Variants in ESRRB observed in about 807,000 individuals in gnomAD.
The protein encoded by ESRRB is estrogen related receptor beta.
A neutral mutation model predicts 46.0 loss-of-function variants in ESRRB; 16 were observed. The ratio of observed to expected loss-of-function variants is 0.35; its 90% confidence interval spans 0.24 to 0.53. ESRRB has a LOEUF of 0.53. Ranked by LOEUF, ESRRB falls within the 20% of genes least tolerant of loss-of-function variation. ESRRB has a pLI of 0.93. For missense variants in ESRRB, 488 were observed against 607.4 expected (o/e 0.80, Z 2.07); for synonymous variants, 246 against 259.6 (o/e 0.95, Z 0.50).
At chr14:76,480,358 TGAAA>T (rs1324685762) in intron 3 of ESRRB, among the ~76,000 whole-genome samples, 10 of 152,112 alleles carry the variant, frequency 6.6e-5, no homozygotes, top group Non-Finnish European at 1.3e-4. Context: ...AGTCCTGAAC[TGAAA>T]ACACCTGGGG....
intron 1 of ESRRB, among the ~76,000 whole-genome samples, chr14:76,366,155 G>A (rs543721030): frequency 6.6e-6 from 1 of 152,162 alleles, no homozygotes; most frequent in East Asian, 1.9e-4. Flanking sequence ...TGATTGGTTT[G>A]GGGGTGAACA....
At chr14:76,369,433 G>C (rs1198837661), upstream of ESRRB, among the ~76,000 whole-genome samples, 1 of 151,630 alleles carries the variant, frequency 6.6e-6, no homozygotes, top group Non-Finnish European at 1.5e-5. Context: ...ACCACAGTGT[G>C]TGGCCAATTT....
At chr14:76,407,410 A>G (rs527503378) in intron 1 of ESRRB, 37 of 327,878 alleles carry the variant, frequency 1.1e-4, no homozygotes, top group African/African-American at 6.0e-4. Context: ...GCCCCTCTCC[A>G]TGTTTGAGGG....
In ESRRB at chr14:76,498,760, G is replaced by A. The variant is rs769334835; in HGVS notation, c.*302G>A. Reference sequence around the variant, plus strand: ...AGGGCTGACTCCCTTCAGGAGTGGAGGCCACTGGAGCAAGTGCCCTCTCCC... The same window carrying A: ...AGGGCTGACTCCCTTCAGGAGTGGAAGCCACTGGAGCAAGTGCCCTCTCCC... On this transcript the variant is annotated 3_prime_UTR_variant, in exon 7 of 7. Transcript: ENST00000644823. 1 of 789,700 alleles carries A rather than the reference G, an allele frequency of 1.3e-6. No homozygotes were observed. The highest frequency in any genetic ancestry group is 1.7e-5 in the African/African-American group (1 of 58,280). The allele number at this position is 789,700 out of a possible 1,614,324, so 48.9% of individuals were successfully genotyped here.
chr14:76,451,314 A>C (rs1888371626), intron 2 of ESRRB, among the ~76,000 whole-genome samples: 1 of 152,252 alleles, frequency 6.6e-6, no homozygotes, highest in Non-Finnish European at 1.5e-5. Context: ...ACCTTGGGCA[A>C]GTGACTTAGT....
At chr14:76,351,986 TAAAAAAAAAAAA>T (rs201356393) in intron 1 of ESRRB, among the ~76,000 whole-genome samples, 3 of 91,792 alleles carry the variant, frequency 3.3e-5, no homozygotes, top group Non-Finnish European at 6.2e-5. Flanking sequence ...CCCAGTCTCT[TAAAAAAAAAAAA>T]AAAAAAAAAA....
At chr14:76,437,887 C>CG (rs1318136362) in intron 1 of ESRRB, among the ~76,000 whole-genome samples, 3 of 152,166 alleles carry the variant, frequency 2.0e-5, no homozygotes, top group Non-Finnish European at 4.4e-5. Flanking sequence ...CCAGCATGGC[C>CG]GGGGTGGAGG....
chr14:76,318,349 C>T (rs117209333), intron 1 of ESRRB, among the ~76,000 whole-genome samples: 497 of 152,274 alleles, frequency 3.3e-3, no homozygotes, highest in Admixed American at 7.8e-3. Context: ...CTTCACCTGC[C>T]GAGTGGGGCT....
Position 76,469,104 on chromosome 14 carries a change from T to A in ESRRB, c.577+6443T>A, listed in dbSNP as rs541506875. 1.8e-4 allele frequency among the ~76,000 whole-genome samples: 27 copies of A among 152,170 alleles called. No individual in the cohort carries two copies. The Middle Eastern group carries it at 0.01, about 58-fold the overall frequency. On this transcript the variant is annotated intron_variant, in intron 3 of 6. Coordinates refer to ENST00000644823, the MANE Select transcript of ESRRB (RefSeq NM_001379180.1). ...AAGGACTTCATTCCTTTATTTATTT[T>A]TTTTTCTGAGATGGAGTCTCGCTCT...
At chr14:76,354,409 GCTCACATAGCAGCAGCCTTTTTCCAGGGA>G (rs1884353918) in intron 1 of ESRRB, among the ~76,000 whole-genome samples, 1 of 152,028 alleles carries the variant, frequency 6.6e-6, no homozygotes. Flanking sequence ...ATGAAGCCAG[GCTCACATAGCAGCAGCCTTTTTCCAGGGA>G]CCTATCTCAC....
rs78207727 is a variant in ESRRB, at chr14:76,429,135, T to A, written c.51-10206T>A. ...ATGGACATAGAGGGTATTGGGGGGC[T>A]GCTTTCTAAGTCAACTCATCCTCCA... On this transcript the variant is annotated intron_variant, in intron 1 of 6. Coordinates refer to ENST00000644823, the MANE Select transcript of ESRRB (RefSeq NM_001379180.1). 3.7e-3 allele frequency among the ~76,000 whole-genome samples: 559 copies of A among 152,196 alleles called. 3 individuals carry two copies. Among genetic ancestry groups the A allele is most frequent in the African/African-American group, 0.013 (537 of 41,520 alleles).
At chr14:76,485,886 G>A (rs186809970) in intron 5 of ESRRB, among the ~76,000 whole-genome samples, 1 of 152,290 alleles carries the variant, frequency 6.6e-6, no homozygotes, top group East Asian at 1.9e-4. Context: ...AGCTTTGCAT[G>A]CACATATTGA....
chr14:76,363,456 A>G (rs776797381), intron 1 of ESRRB, among the ~76,000 whole-genome samples: 1 of 152,160 alleles, frequency 6.6e-6, no homozygotes, highest in Admixed American at 6.5e-5. Context: ...GCTGCCCTTC[A>G]TCTTCTCCAT....
chr14:76,338,077 T>A (rs1884149032), intron 1 of ESRRB, among the ~76,000 whole-genome samples: 1 of 152,148 alleles, frequency 6.6e-6, no homozygotes, highest in African/African-American at 2.4e-5. Context: ...TTGGCATATT[T>A]TTACCTCTCA....
Position 76,399,631 on chromosome 14 carries a change from A to G in ESRRB, c.50+23180A>G, listed in dbSNP as rs977463769. ...CTGGGTGACAGAGCTGAGCAAAGAG[A>G]TTTTTGATTACAAAGAAAGTGAGGA... On this transcript the variant is annotated intron_variant, in intron 1 of 6. Transcript: ENST00000644823. 2.6e-5 allele frequency among the ~76,000 whole-genome samples: 4 copies of G among 152,126 alleles called. No homozygotes were observed. In the East Asian group the frequency reaches 7.7e-4, roughly 29 times the overall value.
chr14:76,462,729 G>A, intron 3 of ESRRB, 68 bp downstream of exon 3: 1 of 1,170,666 alleles, frequency 8.5e-7, no homozygotes, highest in Non-Finnish European at 1.3e-6. Flanking sequence ...TGTCCCCTGT[G>A]AGACACCCAC....
intron 1 of ESRRB, among the ~76,000 whole-genome samples, chr14:76,425,690 C>T (rs11624925): frequency 0.2 from 30,387 of 152,116 alleles, 4,222 homozygotes; most frequent in African/African-American, 0.4. Context: ...TGACCCACCA[C>T]GCTGTGTCCT....
intron 6 of ESRRB, among the ~76,000 whole-genome samples, chr14:76,493,999 G>A (rs1367632159): frequency 6.6e-6 from 1 of 152,174 alleles, no homozygotes; most frequent in African/African-American, 2.4e-5. Flanking sequence ...TCTTTGCCTT[G>A]CTTTCTCCTT....
intron 1 of ESRRB, chr14:76,407,342 A>G (rs1247012814): frequency 1.3e-5 from 2 of 155,384 alleles, no homozygotes; most frequent in Non-Finnish European, 2.8e-5. Flanking sequence ...AGCGGGACAC[A>G]AATGTAGAGC....
Sources: gnomAD v4.1 joint callset for allele counts (sites outside exome capture counted in the v4.1 genomes callset) on GRCh38, gnomAD v4.1.1 for gene constraint, MANE v1.5 for transcripts, NCBI Gene and HGNC (gene_info 2026-07-23, HGNC 2026-07-21) for gene names.